GATAD2A: variants seen among roughly 807,000 people sequenced by gnomAD.
GATAD2A encodes transcriptional repressor p66-alpha.
In GATAD2A, 12 loss-of-function variants were observed where a neutral mutation model predicts 68.5. That is an observed-to-expected ratio of 0.18 (90% CI 0.11 to 0.28). The LOEUF (loss-of-function observed/expected upper bound fraction) is 0.28. Ranked by LOEUF, GATAD2A falls within the 10% of genes least tolerant of loss-of-function variation. The pLI, the probability that GATAD2A is intolerant of heterozygous loss-of-function variation, is 1.00. For synonymous variants in GATAD2A, 410 were observed against 375.3 expected, an observed-to-expected ratio of 1.09 and a Z score of -1.07; for missense variants, 755 against 868.5, an observed-to-expected ratio of 0.87 and a Z score of 1.64.
At chr19:19,434,527 G>A (rs2054104483) in intron 1 of GATAD2A, among the ~76,000 whole-genome samples, 1 of 152,100 alleles carries the variant, frequency 6.6e-6, no homozygotes, top group South Asian at 2.1e-4. Flanking sequence ...GAATTGCCGT[G>A]AACCTAGTTT....
chr19:19,412,078 C>T (rs2051004684), intron 1 of GATAD2A, among the ~76,000 whole-genome samples: 2 of 151,580 alleles, frequency 1.3e-5, no homozygotes, highest in Non-Finnish European at 2.9e-5. Context: ...ATCTCTCTCT[C>T]TCTCTCTCTC....
chr19:19,441,298 T>G lies in GATAD2A; in HGVS notation c.-6-24042T>G, dbSNP rs538732741. On this transcript the variant is annotated intron_variant, in intron 1 of 11. Transcript: ENST00000683918. ...TATTAGCATTATTCCTGTTATATAT[T>G]GTAGGAGAAAATAAGTAAGTAATGT... Among the ~76,000 whole-genome samples, 11 of 152,372 alleles carry G rather than the reference T, an allele frequency of 7.2e-5. No individual in the cohort carries two copies. In the South Asian group the frequency reaches 2.3e-3, roughly 32 times the overall value.
intron 1 of GATAD2A, among the ~76,000 whole-genome samples, chr19:19,441,272 A>G (rs1371943810): frequency 6.6e-6 from 1 of 152,204 alleles, no homozygotes; most frequent in African/African-American, 2.4e-5. Context: ...CAGGGTAACA[A>G]TATTAGCATT....
At chr19:19,416,298 A>G (rs780021268) in intron 1 of GATAD2A, among the ~76,000 whole-genome samples, 3 of 151,948 alleles carry the variant, frequency 2.0e-5, no homozygotes, top group Non-Finnish European at 4.4e-5. Flanking sequence ...ACTGCCAAGG[A>G]TGCTGGATGA....
At chr19:19,417,397 C>T (rs192645357) in intron 1 of GATAD2A, among the ~76,000 whole-genome samples, 70 of 152,160 alleles carry the variant, frequency 4.6e-4, no homozygotes, top group African/African-American at 1.5e-3. Context: ...ATCTGATTAC[C>T]CCCCCACCCA....
chr19:19,487,000 G>A (rs1410297952), intron 2 of GATAD2A, among the ~76,000 whole-genome samples: 1 of 152,204 alleles, frequency 6.6e-6, no homozygotes, highest in East Asian at 1.9e-4. Flanking sequence ...GGCTGGGCAA[G>A]GGTGGCCAGT....
At chr19:19,452,379 T>C (rs983246889) in intron 1 of GATAD2A, among the ~76,000 whole-genome samples, 4 of 152,168 alleles carry the variant, frequency 2.6e-5, no homozygotes, top group African/African-American at 7.2e-5. Context: ...GCCCATCTTG[T>C]GGGAAGCCTT....
intron 8 of GATAD2A, 114 bp downstream of exon 8, chr19:19,498,836 G>A: frequency 3.4e-6 from 3 of 881,284 alleles, no homozygotes; most frequent in Non-Finnish European, 5.3e-6. Flanking sequence ...TAGCCAGGAT[G>A]GTCCTGGGTG....
intron 1 of GATAD2A, among the ~76,000 whole-genome samples, chr19:19,395,820 G>A (rs538383703): frequency 1.3e-5 from 2 of 152,264 alleles, no homozygotes; most frequent in East Asian, 1.9e-4. Flanking sequence ...AAACTTTAGA[G>A]CCAAAAAACT....
intron 1 of GATAD2A, among the ~76,000 whole-genome samples, chr19:19,420,242 CG>C (rs1568719179): frequency 7.7e-6 from 1 of 130,146 alleles, no homozygotes; most frequent in Non-Finnish European, 1.6e-5. Context: ...AGGCTGGTCT[CG>C]AACTCCTGAC....
chr19:19,499,262 G>A (rs940219289), intron 8 of GATAD2A, among the ~76,000 whole-genome samples: 1 of 152,212 alleles, frequency 6.6e-6, no homozygotes, highest in African/African-American at 2.4e-5. Flanking sequence ...ACGGCTGGGC[G>A]GGTGGATCTG....
intron 1 of GATAD2A, among the ~76,000 whole-genome samples, chr19:19,428,895 C>T (rs371351104): frequency 3.0e-4 from 45 of 152,176 alleles, no homozygotes; most frequent in Non-Finnish European, 5.3e-4. Context: ...ACATTGGCCG[C>T]GCCCCGAAGC....
At chr19:19,433,510 T>C (rs2053972183) in intron 1 of GATAD2A, among the ~76,000 whole-genome samples, 1 of 152,212 alleles carries the variant, frequency 6.6e-6, no homozygotes, top group South Asian at 2.1e-4. Flanking sequence ...GCATTGAATC[T>C]GTAGATCAGT....
At chr19:19,471,917 A>G (rs1220716316) in intron 2 of GATAD2A, among the ~76,000 whole-genome samples, 1 of 151,496 alleles carries the variant, frequency 6.6e-6, no homozygotes, top group Non-Finnish European at 1.5e-5. Flanking sequence ...TGTTTTTTGG[A>G]GTTGGTCTTG....
chr19:19,488,960 G>A (rs1308777702), intron 2 of GATAD2A, among the ~76,000 whole-genome samples: 1 of 152,190 alleles, frequency 6.6e-6, no homozygotes, highest in East Asian at 1.9e-4. Flanking sequence ...CTCTCAGCAT[G>A]TTGGGCTAGA....
At chr19:19,478,273 G>A (rs1347372707) in intron 2 of GATAD2A, among the ~76,000 whole-genome samples, 3 of 152,130 alleles carry the variant, frequency 2.0e-5, no homozygotes, top group South Asian at 4.1e-4. Flanking sequence ...TGGATTTGTG[G>A]GATATGTCTG....
intron 2 of GATAD2A, among the ~76,000 whole-genome samples, chr19:19,474,477 A>G (rs984290950): frequency 1.3e-5 from 2 of 152,100 alleles, no homozygotes; most frequent in Admixed American, 6.5e-5. Context: ...CCAGGGATGC[A>G]CTCACAGAGT....
At chr19:19,423,098 C>T (rs771542735) in intron 1 of GATAD2A, among the ~76,000 whole-genome samples, 11 of 152,200 alleles carry the variant, frequency 7.2e-5, no homozygotes, top group Non-Finnish European at 1.3e-4. Flanking sequence ...CCTTGACTTC[C>T]TGGACTCAAG....
At chr19:19,403,034 A>C (rs2049911786), upstream of GATAD2A, among the ~76,000 whole-genome samples, 2 of 152,020 alleles carry the variant, frequency 1.3e-5, no homozygotes, top group Non-Finnish European at 2.9e-5. Flanking sequence ...CGGCCTCCCA[A>C]AGTTCTGGGA....
Sources: allele counts gnomAD v4.1 joint callset (sites outside exome capture counted in the v4.1 genomes callset), GRCh38; gene constraint gnomAD v4.1.1; transcripts MANE v1.5; gene names NCBI Gene and HGNC (gene_info 2026-07-23, HGNC 2026-07-21).